The following ACSL1 variants were observed in gnomAD, a reference collection of about 807,000 sequenced individuals.
The protein encoded by ACSL1 is acyl-CoA synthetase long chain family member 1.
In ACSL1, 41 loss-of-function variants were observed where a neutral mutation model predicts 98.4. That is an observed-to-expected ratio of 0.42 (90% CI 0.32 to 0.54). The LOEUF is 0.54. Among genes scored for constraint, ACSL1 ranks in the 20% least tolerant of loss-of-function variants. The pLI is 0.13. For missense variants in ACSL1, 734 were observed against 883.1 expected, an observed-to-expected ratio of 0.83 and a Z score of 2.14; for synonymous variants, 316 against 322.7, an observed-to-expected ratio of 0.98 and a Z score of 0.22.
In ACSL1 at chr4:184,803,446, A is replaced by G. The variant is rs1579946365; in HGVS notation, c.69T>C (p.Arg23=). 1 of 1,613,712 alleles carries G rather than the reference A, an allele frequency of 6.2e-7. No individual in the cohort carries two copies. Among genetic ancestry groups the G allele is most frequent in the Non-Finnish European group, 8.5e-7 (1 of 1,179,838 alleles). Residue 23 remains arginine, a synonymous_variant, in exon 2 of 21, where the codon CGT becomes CGC. Transcript: ENST00000281455. This position sits in a 1 kb window ranked among gnomAD's most constrained non-coding sequence, Gnocchi z 4.8. ...CCATAAGCGTGTTGGTCGGAAGAGT[A>G]CGCACGTACTGTCGGAAGTCAACCA... The part of the protein sequence containing the change: ...PELVDFRQYV[R]TLPTNTLMGF...
At chr4:184,799,444 T>A (rs1349961792) in intron 2 of ACSL1, among the ~76,000 whole-genome samples, 1 of 152,136 alleles carries the variant, frequency 6.6e-6, no homozygotes, top group Admixed American at 6.5e-5. Flanking sequence ...CAATTTCTGA[T>A]CCTATACCCA....
rs917202256 is a variant in ACSL1, at chr4:184,768,455, A to G, written c.994-5T>C. Reference sequence around the variant, plus strand: ...TCCATGACACAGCATTACACACTATAGGGGTAATGGAAAAAACAAACATTT... The same window carrying G: ...TCCATGACACAGCATTACACACTATGGGGGTAATGGAAAAAACAAACATTT... On this transcript the variant is annotated splice_region_variant and splice_polypyrimidine_tract_variant and intron_variant, in intron 11 of 20. Transcript: ENST00000281455. The G allele has an allele frequency of 6.2e-7, 1 of 1,604,160 alleles. No homozygotes were observed. Among genetic ancestry groups the G allele is most frequent in the Non-Finnish European group, 8.5e-7 (1 of 1,176,984 alleles).
chr4:184,812,702 C>T (rs1015864774), intron 1 of ACSL1, among the ~76,000 whole-genome samples: 4 of 152,084 alleles, frequency 2.6e-5, no homozygotes, highest in South Asian at 2.1e-4. Context: ...TTTGGACAGA[C>T]GACTGATGAT....
chr4:184,806,930 G>T (rs1313229518), intron 1 of ACSL1, among the ~76,000 whole-genome samples: 1 of 152,176 alleles, frequency 6.6e-6, no homozygotes, highest in East Asian at 1.9e-4. Flanking sequence ...TATGCATAAA[G>T]AACTAAGACA....
chr4:184,821,989 T>C (rs1326386940), intron 1 of ACSL1, among the ~76,000 whole-genome samples: 1 of 152,236 alleles, frequency 6.6e-6, no homozygotes, highest in East Asian at 1.9e-4. Flanking sequence ...TAAGTATGTA[T>C]GACTCTTAAA....
Position 184,764,847 on chromosome 4 carries a change from C to A in ACSL1, c.1432+6G>T. 6.2e-7 allele frequency: 1 copy of A among 1,612,660 alleles called. No individual in the cohort carries two copies. Among genetic ancestry groups the A allele is most frequent in the Non-Finnish European group, 8.5e-7 (1 of 1,179,360 alleles). On this transcript the variant is annotated splice_donor_region_variant and intron_variant, in intron 15 of 20. Coordinates refer to ENST00000281455, the MANE Select transcript of ACSL1 (RefSeq NM_001995.5). ...AATTCCAAAAAGGAGCCTCCTACAG[C>A]CATACCTGCGGTCCAGTCTCCAGGC...
chr4:184,763,304 C>G (rs769324831), intron 15 of ACSL1, 49 bp from the exon 16 acceptor site: 2 of 1,541,806 alleles, frequency 1.3e-6, no homozygotes, highest in Non-Finnish European at 1.8e-6. Flanking sequence ...CTACTCATAA[C>G]CTCAGGTCAA....
At chr4:184,812,855 T>C (rs1047873287) in intron 1 of ACSL1, among the ~76,000 whole-genome samples, 3 of 152,140 alleles carry the variant, frequency 2.0e-5, no homozygotes, top group Non-Finnish European at 4.4e-5. Flanking sequence ...GAGTTTTCTA[T>C]GACAGAAAAG....
chr4:184,790,623 T>C (rs1768183246), intron 2 of ACSL1, among the ~76,000 whole-genome samples: 1 of 152,230 alleles, frequency 6.6e-6, no homozygotes, highest in Non-Finnish European at 1.5e-5. Context: ...TGCATAAGAA[T>C]GGGAGAATAT....
At position 184,768,484 on chromosome 4, in the gene ACSL1, C is replaced by T. The variant is rs1458591650; in HGVS notation, c.994-34G>A. ...GTAATGGAAAAAACAAACATTTTAT[C>T]ACCACAGCAGGGGTTACACAACATA... On this transcript the variant is annotated intron_variant, in intron 11 of 20. Transcript: ENST00000281455. 1.9e-6 allele frequency: 3 copies of T among 1,598,384 alleles called. No homozygotes were observed. The Admixed American group carries it at 5.4e-5, about 29-fold the overall frequency.
chr4:184,758,931 G>A (rs1762495792), intron 18 of ACSL1: 1 of 122,846 alleles, frequency 8.1e-6, no homozygotes, highest in Admixed American at 1.1e-4. Context: ...CCTCGTGTGT[G>A]ATGTTCCCCT....
chr4:184,801,239 G>A (rs1365490577), intron 2 of ACSL1, among the ~76,000 whole-genome samples: 10 of 152,180 alleles, frequency 6.6e-5, no homozygotes, highest in African/African-American at 2.4e-4. Flanking sequence ...ATCAGTAGCT[G>A]GGAAACAGCC....
chr4:184,794,283 T>C (rs779637568), intron 2 of ACSL1, among the ~76,000 whole-genome samples: 2 of 152,222 alleles, frequency 1.3e-5, no homozygotes, highest in Non-Finnish European at 2.9e-5. Context: ...GCAGACTACA[T>C]CTTTGATATA....
rs1361535116 is a variant in ACSL1 at position 184,766,036 on chromosome 4, C to T, written c.1264-50G>A. The stretch of plus-strand genomic sequence containing the variant: ...AGGTGAGGGTTACACACCTGGAAGT[C>T]GGCGGCCTCTCCGCCAAGGGGGCCT... On this transcript the variant is annotated intron_variant, in intron 13 of 20. Transcript: ENST00000281455. This position sits in a 1 kb window ranked among gnomAD's most constrained non-coding sequence, Gnocchi z 4.8. 15 of 1,587,532 alleles carry T rather than the reference C, an allele frequency of 9.4e-6. No individual in the cohort carries two copies. The highest frequency in any genetic ancestry group is 1.3e-5 in the African/African-American group (1 of 74,450).
intron 1 of ACSL1, among the ~76,000 whole-genome samples, chr4:184,811,383 A>G (rs551832554): frequency 6.6e-6 from 1 of 152,068 alleles, no homozygotes; most frequent in Admixed American, 6.6e-5. Context: ...AAGTGCTGGG[A>G]TTACAGGTGT....
intron 2 of ACSL1, among the ~76,000 whole-genome samples, chr4:184,789,782 C>A (rs1768025994): frequency 1.3e-5 from 2 of 152,034 alleles, no homozygotes; most frequent in Non-Finnish European, 2.9e-5. Context: ...TCCTCTGGGG[C>A]CAAAGGACAC....
At position 184,756,042 on chromosome 4, in the gene ACSL1, G is replaced by C. The variant is rs542029112; in HGVS notation, c.*1083C>G. On this transcript the variant is annotated 3_prime_UTR_variant, in exon 21 of 21. Transcript: ENST00000281455. ...TGTCAAACACATTTCATAGAAATCA[G>C]GTAGCATTATAAGAACATTTGCTTA... 6.6e-6 allele frequency: 1 copy of C among 152,328 alleles called. No homozygotes were observed. Among genetic ancestry groups the C allele is most frequent in the South Asian group, 2.1e-4 (1 of 4,828 alleles). The allele number at this position is 152,328 out of a possible 1,614,324, so 9.4% of individuals were successfully genotyped here. A position where few individuals can be genotyped will look rare whatever the true frequency, so the allele number is the denominator to read the frequency against.
rs1054070189 is a variant in ACSL1, at chr4:184,758,262, TA to T, written c.1783-343del. ...GTGATGGATATCAGATAACTGCTTT[TA>T]AAAAAAAAAGGAAAAAAAGGAAGCC... On this transcript the variant is annotated intron_variant, in intron 18 of 20. Coordinates refer to ENST00000281455, the MANE Select transcript of ACSL1 (RefSeq NM_001995.5). 1,205 of 203,084 alleles carry T rather than the reference TA, an allele frequency of 5.9e-3. 1 individual carries two copies. Among genetic ancestry groups the T allele is most frequent in the South Asian group, 0.015 (169 of 11,058 alleles). 12.6% of individuals were successfully genotyped at this position (203,084 alleles called of 1,614,324 possible). A position where few individuals can be genotyped will look rare whatever the true frequency, so the allele number is the denominator to read the frequency against.
At chr4:184,825,969 GC>G (rs1773454180), upstream of ACSL1, 1 of 148,496 alleles carries the variant, frequency 6.7e-6, no homozygotes, top group Admixed American at 6.7e-5. This position sits in a 1 kb window ranked among gnomAD's most constrained non-coding sequence, Gnocchi z 4.7. Context: ...CCCACTCCCT[GC>G]CCCGCGCCGG....
Sources: allele counts gnomAD v4.1 joint callset (sites outside exome capture counted in the v4.1 genomes callset), GRCh38; gene constraint gnomAD v4.1.1; non-coding constraint Gnocchi (gnomAD v3.1); transcripts MANE v1.5; gene names NCBI Gene and HGNC (gene_info 2026-07-23, HGNC 2026-07-21).